Variants in CLIP4 observed in about 807,000 individuals in gnomAD.
CLIP4 encodes CAP-Gly domain containing linker protein family member 4, also known as CAP-Gly domain-containing linker protein 4.
CLIP4 carries 47 observed loss-of-function variants against 73.1 expected under a neutral mutation model. The ratio of observed to expected loss-of-function variants is 0.64; its 90% CI spans 0.51 to 0.82. The LOEUF (loss-of-function observed/expected upper bound fraction) is 0.82. Among genes scored for constraint, CLIP4 ranks in the 40% least tolerant of loss-of-function variants. The pLI, the probability that CLIP4 is intolerant of heterozygous loss-of-function variation, is 0.00. For missense variants in CLIP4, 874 were observed against 852.9 expected (o/e 1.02, Z -0.31); for synonymous variants, 306 against 295.4 (o/e 1.04, Z -0.37).
chr2:29,172,501 C>CT (rs1181950622), intron 14 of CLIP4, among the ~76,000 whole-genome samples: 4 of 152,138 alleles, frequency 2.6e-5, no homozygotes, highest in Admixed American at 6.5e-5. Context: ...ACCTGTGAGT[C>CT]TAACTAATTC....
At chr2:29,116,673 C>T (rs1663873850) in intron 1 of CLIP4, among the ~76,000 whole-genome samples, 1 of 152,176 alleles carries the variant, frequency 6.6e-6, no homozygotes, top group South Asian at 2.1e-4. Context: ...GGAGAACCAT[C>T]CTGGTTCCAG....
chr2:29,168,217 T>G (rs1221250785), intron 14 of CLIP4, among the ~76,000 whole-genome samples: 1 of 152,208 alleles, frequency 6.6e-6, no homozygotes, highest in Non-Finnish European at 1.5e-5. Flanking sequence ...TTTTCTGGAT[T>G]ACAAATGAGG....
rs768586501 is a variant in CLIP4 at position 29,163,906 on chromosome 2, G to C, written c.1610G>C (p.Ser537Thr). 1 of 1,613,548 alleles carries C rather than the reference G, an allele frequency of 6.2e-7. No individual in the cohort carries two copies. The highest frequency in any genetic ancestry group is 2.2e-5 in the East Asian group (1 of 44,856). Reference protein sequence around the residue: ...DGSVGGVQYFSCSPRYGIFAP... With the variant: ...DGSVGGVQYFTCSPRYGIFAP... ...TCAGTTGGAGGTGTGCAGTATTTTA[G>C]CTGTTCTCCAAGATATGGAATATTT... The change falls in exon 13 of 16, where the codon AGC becomes ACC. Residue 537 changes from serine (S) to threonine (T), a missense_variant. Transcript: ENST00000320081.
chr2:29,144,439 CTT>C (rs1275625613), intron 7 of CLIP4, among the ~76,000 whole-genome samples: 1 of 152,146 alleles, frequency 6.6e-6, no homozygotes, highest in East Asian at 1.9e-4. Context: ...ATCCAGACAC[CTT>C]TTTTCCTCCC....
intron 8 of CLIP4, among the ~76,000 whole-genome samples, chr2:29,146,124 G>A (rs983089639): frequency 1.3e-5 from 2 of 152,230 alleles, no homozygotes; most frequent in Non-Finnish European, 2.9e-5. Flanking sequence ...GTGGCTTTTA[G>A]TGGGGAGACA....
chr2:29,174,490 T>C (rs1487879308), intron 15 of CLIP4, 45 bp downstream of exon 15: 1 of 1,591,122 alleles, frequency 6.3e-7, no homozygotes, highest in Non-Finnish European at 8.5e-7. Context: ...AAGATGAACA[T>C]GATGGGATTC....
chr2:29,168,764 C>T (rs140223568), intron 14 of CLIP4, among the ~76,000 whole-genome samples: 11,761 of 151,778 alleles, frequency 0.077, 496 homozygotes, highest in African/African-American at 0.1. Context: ...CCTCATGATC[C>T]GCCTGCCTTG....
upstream of CLIP4, among the ~76,000 whole-genome samples, chr2:29,112,188 G>C (rs149708808): frequency 2.1e-3 from 322 of 152,168 alleles, no homozygotes; most frequent in Non-Finnish European, 3.6e-3. Flanking sequence ...CATAATATCT[G>C]GCATGGCAGG....
chr2:29,139,605 C>T (rs549291978), intron 6 of CLIP4, among the ~76,000 whole-genome samples: 2 of 152,162 alleles, frequency 1.3e-5, no homozygotes, highest in South Asian at 2.1e-4. Flanking sequence ...TGAATCCATT[C>T]GGTCCAGGGC....
upstream of CLIP4, among the ~76,000 whole-genome samples, chr2:29,110,875 G>A (rs1312656815): frequency 6.6e-6 from 1 of 152,078 alleles, no homozygotes; most frequent in Admixed American, 6.6e-5. Flanking sequence ...TTTTAGCAGA[G>A]ACCAGGTTTT....
chr2:29,106,190 A>G (rs1406941280), intron 1 of CLIP4, among the ~76,000 whole-genome samples: 2 of 152,096 alleles, frequency 1.3e-5, no homozygotes, highest in Non-Finnish European at 1.5e-5. Flanking sequence ...CCAACTGGAA[A>G]AAAATTAAAA....
chr2:29,160,376 C>T lies in CLIP4; in HGVS notation c.1443C>T (p.Cys481=), dbSNP rs140728187. The change falls in exon 12 of 16, where the codon TGC becomes TGT. Residue 481 remains cysteine (C), a synonymous_variant. Coordinates refer to ENST00000320081, the MANE Select transcript of CLIP4 (RefSeq NM_024692.6). ...CATCTACAGCAAATAATAGCCGTTG[C>T]GAGGGGGAACTCCGCCTCGGAGAGA... The part of the protein sequence containing the change: ...SATSTANNSR[C]EGELRLGERV... 44 of 1,614,046 alleles carry T rather than the reference C, an allele frequency of 2.7e-5. No homozygotes were observed. The African/African-American group carries it at 3.7e-4, about 14-fold the overall frequency.
At chr2:29,173,875 ATCTTTT>A (rs1668167369) in intron 14 of CLIP4, among the ~76,000 whole-genome samples, 1 of 152,180 alleles carries the variant, frequency 6.6e-6, no homozygotes, top group Non-Finnish European at 1.5e-5. Flanking sequence ...AAACCATTTT[ATCTTTT>A]TCTTTTTTAT....
At chr2:29,115,390 A>G (rs1472754620), upstream of CLIP4, 1 of 151,290 alleles carries the variant, frequency 6.6e-6, no homozygotes, top group Non-Finnish European at 1.5e-5. The surrounding 1 kb of genome is among the most constrained non-coding windows in gnomAD (Gnocchi z 5.1). Flanking sequence ...CAGGCGAGCC[A>G]GCGCAGGCGC....
rs1177707496 is a variant in CLIP4 at position 29,150,984 on chromosome 2, A to G, written c.1022-1701A>G. On this transcript the variant is annotated intron_variant, in intron 8 of 15. Coordinates refer to ENST00000320081, the MANE Select transcript of CLIP4 (RefSeq NM_024692.6). ...TTTATTGTCTTATAATGTTATAATG[A>G]TATAGTGGTTTATGGATATAGTGAA... Among the ~76,000 whole-genome samples, 3 of 152,222 alleles carry G rather than the reference A, an allele frequency of 2.0e-5. No homozygotes were observed. The South Asian group carries it at 6.2e-4, about 32-fold the overall frequency.
rs997848274 is a variant in CLIP4 at position 29,154,601 on chromosome 2, C to T, written c.1166-1753C>T. Among the ~76,000 whole-genome samples the T allele has an allele frequency of 3.9e-5, 6 of 152,090 alleles. No individual in the cohort carries two copies. In the South Asian group the frequency reaches 8.3e-4, roughly 21 times the overall value. On this transcript the variant is annotated intron_variant, in intron 9 of 15. Transcript: ENST00000320081. ...AGCTTAGACATTCTACTCAGAATAC[C>T]GGGAAGGGATGCCCAGGAGCAGGAA...
In CLIP4 at chr2:29,131,370, A is replaced by G; in HGVS notation, c.246A>G (p.Gln82=). 1.2e-6 allele frequency: 2 copies of G among 1,603,008 alleles called. No individual in the cohort carries two copies. Among genetic ancestry groups the G allele is most frequent in the Non-Finnish European group, 1.7e-6 (2 of 1,176,512 alleles). The change falls in exon 3 of 16, where the codon CAA becomes CAG. Residue 82 remains glutamine (Q), a synonymous_variant. Coordinates refer to ENST00000320081, the MANE Select transcript of CLIP4 (RefSeq NM_024692.6). ...TGAGACAGTGGGTTCCTCAGGTCCAACAAAACATTGACATTATTGGAAATG... is the reference window on the plus strand; with the variant it reads ...TGAGACAGTGGGTTCCTCAGGTCCAGCAAAACATTGACATTATTGGAAATG... The part of the protein sequence containing the change: ...AILRQWVPQV[Q]QNIDIIGNEI...
In CLIP4 at chr2:29,145,220, T is replaced by C. The variant is rs546292788; in HGVS notation, c.886-12T>C. 1.8e-4 allele frequency: 293 copies of C among 1,609,784 alleles called. 2 individuals are homozygous for C. The South Asian group carries it at 2.8e-3, about 15-fold the overall frequency. ...AATTCCCCAAAATTATTCTGGTTTATATTTTCTTTAGGTTGGTACATTAAG... is the reference window on the plus strand; with the variant it reads ...AATTCCCCAAAATTATTCTGGTTTACATTTTCTTTAGGTTGGTACATTAAG... On this transcript the variant is annotated splice_polypyrimidine_tract_variant and intron_variant, in intron 7 of 15. Coordinates refer to ENST00000320081, the MANE Select transcript of CLIP4 (RefSeq NM_024692.6).
intron 1 of CLIP4, among the ~76,000 whole-genome samples, chr2:29,120,323 G>A (rs984948212): frequency 2.6e-5 from 4 of 152,160 alleles, no homozygotes; most frequent in Non-Finnish European, 4.4e-5. Flanking sequence ...CATGAATCAA[G>A]TTAGGAAGAC....
Sources: allele counts gnomAD v4.1 joint callset (sites outside exome capture counted in the v4.1 genomes callset), GRCh38; gene constraint gnomAD v4.1.1; non-coding constraint Gnocchi (gnomAD v3.1); transcripts MANE v1.5; gene names NCBI Gene and HGNC (gene_info 2026-07-23, HGNC 2026-07-21).